The following KDM4C variants were observed in gnomAD, a reference collection of about 807,000 sequenced individuals.
KDM4C encodes the protein lysine-specific demethylase 4C.
Under a neutral mutation model 129.3 loss-of-function variants are expected in KDM4C, and 81 were observed. The ratio of observed to expected loss-of-function variants is 0.63; its 90% CI spans 0.52 to 0.75. The LOEUF is 0.75. Ranked by LOEUF, KDM4C falls within the 30% of genes least tolerant of loss-of-function variation. KDM4C has a pLI of 0.00. For missense variants in KDM4C, 1,457 were observed against 1,304.0 expected (o/e 1.12, Z -1.81); for synonymous variants, 573 against 456.1 (o/e 1.26, Z -3.26).
chr9:6,926,800 C>G (rs138254309), intron 8 of KDM4C, among the ~76,000 whole-genome samples: 331 of 152,252 alleles, frequency 2.2e-3, no homozygotes, highest in Non-Finnish European at 4.0e-3. Context: ...CTGTGAGGCT[C>G]CATATTATGG....
At chr9:7,062,613 G>C (rs1243257634) in intron 17 of KDM4C, among the ~76,000 whole-genome samples, 2 of 151,424 alleles carry the variant, frequency 1.3e-5, no homozygotes, top group South Asian at 4.2e-4. Flanking sequence ...CAAACTCCTG[G>C]GCTGAAGTGA....
intron 1 of KDM4C, among the ~76,000 whole-genome samples, chr9:6,760,240 G>A (rs1195591932): frequency 6.6e-6 from 1 of 151,618 alleles, no homozygotes; most frequent in African/African-American, 2.4e-5. Flanking sequence ...CTTTCACTTG[G>A]CATAATGTTT....
chr9:6,967,421 T>TA (rs35054106), intron 8 of KDM4C, among the ~76,000 whole-genome samples: 18,427 of 124,934 alleles, frequency 0.15, 1,697 homozygotes, highest in East Asian at 0.37. Context: ...AAGCTTCCAC[T>TA]AAAAAAAAAA....
At chr9:6,750,694 A>C (rs1453014249) in intron 1 of KDM4C, among the ~76,000 whole-genome samples, 1 of 152,270 alleles carries the variant, frequency 6.6e-6, no homozygotes, top group Non-Finnish European at 1.5e-5. Flanking sequence ...TGGATTAGTC[A>C]ATGAAGAGCC....
intron 17 of KDM4C, among the ~76,000 whole-genome samples, chr9:7,063,486 G>A (rs1373827341): frequency 3.9e-5 from 6 of 152,176 alleles, no homozygotes; most frequent in African/African-American, 1.4e-4. Context: ...TAAGGAGGGA[G>A]CAGAATTCCT....
intron 15 of KDM4C, among the ~76,000 whole-genome samples, chr9:7,016,926 C>T (rs561859267): frequency 9.2e-5 from 14 of 152,202 alleles, no homozygotes; most frequent in African/African-American, 2.4e-4. Context: ...AAACTGTGTT[C>T]ATATCCAGTG....
chr9:7,103,211 T>G (rs1471443223), intron 17 of KDM4C, among the ~76,000 whole-genome samples: 1 of 152,216 alleles, frequency 6.6e-6, no homozygotes, highest in Non-Finnish European at 1.5e-5. Context: ...AAACTTAACT[T>G]GCCCCTATGC....
At chr9:6,822,855 C>T (rs1430094459) in intron 4 of KDM4C, among the ~76,000 whole-genome samples, 2 of 152,202 alleles carry the variant, frequency 1.3e-5, no homozygotes, top group African/African-American at 2.4e-5. Context: ...TAGCCATGTA[C>T]ACCTGCATCG....
At chr9:6,840,290 C>T (rs945499997) in intron 4 of KDM4C, among the ~76,000 whole-genome samples, 1 of 152,000 alleles carries the variant, frequency 6.6e-6, no homozygotes, top group African/African-American at 2.4e-5. Flanking sequence ...CCTGGCTAGT[C>T]TTGAACTCCT....
chr9:6,936,631 A>C (rs1463721522), intron 8 of KDM4C, among the ~76,000 whole-genome samples: 1 of 152,170 alleles, frequency 6.6e-6, no homozygotes, highest in Non-Finnish European at 1.5e-5. Flanking sequence ...GATGAATGAG[A>C]ATGAGCCTTC....
intron 15 of KDM4C, among the ~76,000 whole-genome samples, chr9:7,042,264 A>G (rs989356165): frequency 2.6e-5 from 4 of 152,052 alleles, no homozygotes; most frequent in African/African-American, 9.7e-5. Flanking sequence ...GAACCTGGCC[A>G]TCTGCATTAT....
intron 8 of KDM4C, among the ~76,000 whole-genome samples, chr9:6,967,010 G>A (rs976588047): frequency 2.0e-5 from 3 of 152,150 alleles, no homozygotes; most frequent in Non-Finnish European, 2.9e-5. Context: ...AAGACCCAGA[G>A]GAGGATAAAA....
At chr9:6,793,839 G>A (rs996062772) in intron 2 of KDM4C, among the ~76,000 whole-genome samples, 3 of 151,842 alleles carry the variant, frequency 2.0e-5, no homozygotes, top group African/African-American at 7.3e-5. Flanking sequence ...CACTGTGCCC[G>A]GCCTCTTTTT....
chr9:6,857,963 T>A (rs1161345338), intron 5 of KDM4C, among the ~76,000 whole-genome samples: 2 of 148,520 alleles, frequency 1.3e-5, no homozygotes, highest in African/African-American at 5.0e-5. Flanking sequence ...GGGGTTTTGC[T>A]ATGTTGCCCA....
intron 4 of KDM4C, among the ~76,000 whole-genome samples, chr9:6,828,424 G>T (rs1012154353): frequency 5.3e-5 from 8 of 152,128 alleles, no homozygotes; most frequent in African/African-American, 1.9e-4. Flanking sequence ...TGGGATTACA[G>T]GTGTGAGCCA....
At chr9:6,915,131 T>C (rs1163063072) in intron 8 of KDM4C, among the ~76,000 whole-genome samples, 1 of 152,176 alleles carries the variant, frequency 6.6e-6, no homozygotes, top group East Asian at 1.9e-4. Flanking sequence ...TTTGGAAAAA[T>C]TTTAAACTTC....
intron 7 of KDM4C, among the ~76,000 whole-genome samples, chr9:6,890,641 A>T (rs561532803): frequency 4.7e-5 from 7 of 149,882 alleles, no homozygotes; most frequent in African/African-American, 1.5e-4. Flanking sequence ...TTTTTTTTTT[A>T]AATCATGGCA....
At chr9:7,160,980 C>G (rs1353521812) in intron 19 of KDM4C, among the ~76,000 whole-genome samples, 2 of 152,160 alleles carry the variant, frequency 1.3e-5, no homozygotes, top group Non-Finnish European at 2.9e-5. Context: ...CTGCGGTGGG[C>G]TCCACCCAGT....
chr9:6,801,239 ATTTTTTTTTTTTTTTT>A (rs59151680), intron 2 of KDM4C, among the ~76,000 whole-genome samples: 21 of 65,740 alleles, frequency 3.2e-4, no homozygotes, highest in South Asian at 2.0e-3. Context: ...GAGTAGGGAA[ATTTTTTTTTTTTTTTT>A]TTTTTTTTTT....
Sources: gnomAD v4.1 joint callset for allele counts (sites outside exome capture counted in the v4.1 genomes callset) on GRCh38, gnomAD v4.1.1 for gene constraint, MANE v1.5 for transcripts, NCBI Gene and HGNC (gene_info 2026-07-23, HGNC 2026-07-21) for gene names.